The following GLRB variants were observed in gnomAD, a reference collection of about 807,000 sequenced individuals.
The protein encoded by GLRB is glycine receptor subunit beta.
In GLRB, 33 loss-of-function variants were observed where a neutral mutation model predicts 54.2. The ratio of observed to expected loss-of-function variants is 0.61; its 90% confidence interval spans 0.46 to 0.81. The LOEUF is 0.81. Ranked by LOEUF, GLRB falls within the 40% of genes least tolerant of loss-of-function variation. The pLI, the probability that GLRB is intolerant of heterozygous loss-of-function variation, is 0.00. For synonymous variants in GLRB, 209 were observed against 208.2 expected (o/e 1.00, Z -0.03); for missense variants, 572 against 584.6 (o/e 0.98, Z 0.22).
intron 9 of GLRB, among the ~76,000 whole-genome samples, chr4:157,156,863 T>G: frequency 6.6e-6 from 1 of 152,210 alleles, no homozygotes; most frequent in East Asian, 1.9e-4. Context: ...GTATTGAAAC[T>G]TGGACATTTT....
intron 1 of GLRB, among the ~76,000 whole-genome samples, chr4:157,077,269 A>C (rs555135389): frequency 1.3e-5 from 2 of 152,268 alleles, no homozygotes; most frequent in East Asian, 3.9e-4. Context: ...AAAAAATGTA[A>C]CAACACTTGT....
intron 2 of GLRB, among the ~76,000 whole-genome samples, chr4:157,094,550 C>A (rs989456533): frequency 6.6e-6 from 1 of 152,076 alleles, no homozygotes; most frequent in Admixed American, 6.5e-5. Context: ...AAGAAAAAAG[C>A]AGACAACCTA....
chr4:157,168,765 A>AAT lies in GLRB; in HGVS notation c.1198-1658_1198-1657dup, dbSNP rs540721720. ...GTTTCTTACCCACTGGCATTTTACAAATATATATATGGCATAAAGTATATA... is the reference window on the plus strand; with the variant it reads ...GTTTCTTACCCACTGGCATTTTACAAATATATATATATGGCATAAAGTATATA... On this transcript the variant is annotated intron_variant, in intron 9 of 9. Transcript: ENST00000264428. Among the ~76,000 whole-genome samples, 27 of 152,234 alleles carry AAT rather than the reference A, an allele frequency of 1.8e-4. 1 individual carries two copies. The highest frequency in any genetic ancestry group is 3.8e-4 in the Non-Finnish European group (26 of 67,990).
At chr4:157,130,276 TTTTG>T (rs750582210) in intron 4 of GLRB, among the ~76,000 whole-genome samples, 12 of 151,690 alleles carry the variant, frequency 7.9e-5, no homozygotes, top group East Asian at 7.8e-4. Context: ...TAGTCAGTGT[TTTTG>T]TTTGTTTGTT....
rs988464709 is a variant in GLRB, at chr4:157,170,775, C to T, written c.*47C>T. The T allele has an allele frequency of 9.2e-7, 1 of 1,081,436 alleles. No individual in the cohort carries two copies. The highest frequency in any genetic ancestry group is 1.3e-6 in the Non-Finnish European group (1 of 764,120). 67.0% of individuals were successfully genotyped at this position (1,081,436 alleles called of 1,614,324 possible). The stretch of plus-strand genomic sequence containing the variant: ...AAATAAAATTCCATTTCATTGTGAC[C>T]TACTCCTTTCATAAATGCCAATCTG... On this transcript the variant is annotated 3_prime_UTR_variant, in exon 10 of 10. Coordinates refer to ENST00000264428, the MANE Select transcript of GLRB (RefSeq NM_000824.5).
intron 2 of GLRB, among the ~76,000 whole-genome samples, chr4:157,097,628 C>G (rs1421163980): frequency 6.6e-6 from 1 of 152,160 alleles, no homozygotes; most frequent in Non-Finnish European, 1.5e-5. Flanking sequence ...TTCCAACATT[C>G]AGCAAAATAT....
intron 2 of GLRB, among the ~76,000 whole-genome samples, chr4:157,119,566 A>T (rs544118906): frequency 2.6e-5 from 4 of 151,708 alleles, no homozygotes; most frequent in Non-Finnish European, 5.9e-5. Flanking sequence ...TATTTAGAGC[A>T]ATGTTTCATA....
At position 157,078,082 on chromosome 4, in the gene GLRB, G is replaced by A; in HGVS notation, c.58G>A (p.Ala20Thr). 6.2e-7 allele frequency: 1 copy of A among 1,610,818 alleles called. No homozygotes were observed. Among genetic ancestry groups the A allele is most frequent in the Non-Finnish European group, 8.5e-7 (1 of 1,177,324 alleles). Reference sequence around the variant, plus strand: ...TTTAATTTCCTTGTGGGTGGAAGAAGCCTATTCTAAGGAAAAGTCTTCAAA... The same window carrying A: ...TTTAATTTCCTTGTGGGTGGAAGAAACCTATTCTAAGGAAAAGTCTTCAAA... Reference protein sequence around the residue: ...LILISLWVEEAYSKEKSSKKG... With the variant: ...LILISLWVEETYSKEKSSKKG... The change falls in exon 2 of 10, where the codon GCC becomes ACC. Residue 20 changes from alanine to threonine, a missense_variant. Coordinates refer to ENST00000264428, the MANE Select transcript of GLRB (RefSeq NM_000824.5).
chr4:157,127,138 A>T (rs1736043373), intron 4 of GLRB, among the ~76,000 whole-genome samples: 1 of 151,734 alleles, frequency 6.6e-6, no homozygotes, highest in African/African-American at 2.4e-5. Flanking sequence ...GTTTTAAAAC[A>T]ATTTTATTTT....
chr4:157,078,630 T>C (rs764611780), intron 2 of GLRB, among the ~76,000 whole-genome samples: 1 of 152,174 alleles, frequency 6.6e-6, no homozygotes, highest in African/African-American at 2.4e-5. Flanking sequence ...TAGATCAATT[T>C]TCTAATTTAG....
At chr4:157,144,831 G>T (rs1418922588) in intron 8 of GLRB, among the ~76,000 whole-genome samples, 1 of 152,094 alleles carries the variant, frequency 6.6e-6, no homozygotes, top group African/African-American at 2.4e-5. Context: ...ATGAAATACA[G>T]ATTTTAAAGA....
chr4:157,157,497 C>A lies in GLRB; in HGVS notation c.1197+4487C>A, dbSNP rs192795353. On this transcript the variant is annotated intron_variant, in intron 9 of 9. Coordinates refer to ENST00000264428, the MANE Select transcript of GLRB (RefSeq NM_000824.5). ...TAATGCTATCCCTCCCCGCTCCCCCCACCCCACGACAGGCCCTGGTGTGTG... is the reference window on the plus strand; with the variant it reads ...TAATGCTATCCCTCCCCGCTCCCCCAACCCCACGACAGGCCCTGGTGTGTG... Among the ~76,000 whole-genome samples the A allele has an allele frequency of 7.9e-3, 1,210 of 152,232 alleles. 15 individuals carry two copies. Among genetic ancestry groups the A allele is most frequent in the African/African-American group, 0.028 (1,142 of 41,520 alleles).
At chr4:157,132,721 T>C (rs1261766917) in intron 4 of GLRB, among the ~76,000 whole-genome samples, 1 of 151,952 alleles carries the variant, frequency 6.6e-6, no homozygotes, top group Non-Finnish European at 1.5e-5. Flanking sequence ...ACATGGGAAG[T>C]CTTTATTAAT....
intron 9 of GLRB, among the ~76,000 whole-genome samples, chr4:157,158,581 A>C (rs1490117566): frequency 6.6e-6 from 1 of 152,190 alleles, no homozygotes; most frequent in Non-Finnish European, 1.5e-5. Flanking sequence ...CCATTTATTA[A>C]ATAGAGATTC....
intron 2 of GLRB, among the ~76,000 whole-genome samples, chr4:157,096,611 G>A (rs1195764579): frequency 6.6e-6 from 1 of 152,162 alleles, no homozygotes; most frequent in Non-Finnish European, 1.5e-5. Context: ...TAGCATTCAT[G>A]TTTGTTGCCT....
chr4:157,103,133 G>T (rs933870504), intron 2 of GLRB, among the ~76,000 whole-genome samples: 1 of 147,096 alleles, frequency 6.8e-6, no homozygotes. Context: ...CTGGGCAAAA[G>T]AGAGAGACTC....
At chr4:157,145,659 A>C (rs1231880146) in intron 8 of GLRB, among the ~76,000 whole-genome samples, 1 of 152,172 alleles carries the variant, frequency 6.6e-6, no homozygotes, top group East Asian at 1.9e-4. Context: ...ATGAGTATAT[A>C]TGTTATTGGG....
intron 2 of GLRB, among the ~76,000 whole-genome samples, chr4:157,092,756 C>T (rs140753767): frequency 1.9e-3 from 285 of 152,212 alleles, no homozygotes; most frequent in Admixed American, 4.6e-3. Flanking sequence ...ATATAAAGAA[C>T]GTAGGATGTG....
intron 4 of GLRB, 43 bp downstream of exon 4, chr4:157,122,440 AGAG>A: frequency 4.1e-6 from 3 of 734,766 alleles, no homozygotes. Flanking sequence ...ATATTTCAAT[AGAG>A]GAGATAGTGA....
Sources: gnomAD v4.1 joint callset for allele counts (sites outside exome capture counted in the v4.1 genomes callset) on GRCh38, gnomAD v4.1.1 for gene constraint, MANE v1.5 for transcripts, NCBI Gene and HGNC (gene_info 2026-07-23, HGNC 2026-07-21) for gene names.